The following RAB3GAP2 variants were observed in gnomAD, a reference collection of about 807,000 sequenced individuals.
RAB3GAP2 encodes RAB3 GTPase activating non-catalytic protein subunit 2.
RAB3GAP2 carries 87 observed loss-of-function variants against 185.3 expected under a neutral mutation model. That is an observed-to-expected ratio of 0.47 (90% CI 0.39 to 0.56). RAB3GAP2 has a LOEUF of 0.56. Among genes scored for constraint, RAB3GAP2 ranks in the 20% least tolerant of loss-of-function variants. The probability of loss-of-function intolerance (pLI) is 0.00; values close to 1 mark genes in which losing one functional copy is unlikely to be tolerated. For synonymous variants in RAB3GAP2, 554 were observed against 576.1 expected, an observed-to-expected ratio of 0.96 and a Z score of 0.55; for missense variants, 1,492 against 1,638.2, an observed-to-expected ratio of 0.91 and a Z score of 1.54.
intron 1 of RAB3GAP2, among the ~76,000 whole-genome samples, chr1:220,248,416 C>T (rs2102519672): frequency 6.6e-6 from 1 of 151,950 alleles, no homozygotes; most frequent in African/African-American, 2.4e-5. Context: ...ACAATCATTT[C>T]ATAACGTATA....
chr1:220,234,771 G>A (rs1659562045), intron 1 of RAB3GAP2, among the ~76,000 whole-genome samples: 1 of 151,944 alleles, frequency 6.6e-6, no homozygotes, highest in African/African-American at 2.4e-5. Context: ...AAGAGATGGG[G>A]AAAAAAATAC....
chr1:220,202,437 AC>A lies in RAB3GAP2; in HGVS notation c.713-64del, dbSNP rs1373523059. 8.0e-6 allele frequency: 12 copies of A among 1,505,384 alleles called. No individual in the cohort carries two copies. The East Asian group carries it at 1.4e-4, about 17-fold the overall frequency. 93.3% of individuals were successfully genotyped at this position (1,505,384 alleles called of 1,614,324 possible). A position where few individuals can be genotyped will look rare whatever the true frequency, so the allele number is the denominator to read the frequency against. On this transcript the variant is annotated intron_variant, in intron 8 of 34. Transcript: ENST00000358951. ...GGATAAAATGAAGTTTTACAAAAAA[AC>A]ATTAAAACCATACTAATTTGTTATT... is the stretch of plus-strand genomic sequence containing the variant.
Position 220,157,464 on chromosome 1 carries a change from G to A in RAB3GAP2, c.3361C>T (p.Gln1121Ter). Residue 1121 changes from glutamine (Q) to a stop codon, truncating the protein, a stop_gained, in exon 31 of 35, where the codon CAG (glutamine) becomes TAG (stop). Coordinates refer to ENST00000358951, the MANE Select transcript of RAB3GAP2 (RefSeq NM_012414.4). LOFTEE classifies it high-confidence loss of function. ...MEADVSRDEI[Q>*]VPVLDTEDAW... is the part of the protein sequence containing the mutation. ...TCCTCAGTATCCAGCACAGGCACCT[G>A]TATTTCATCCCTGCTAACATCTGCC... 8 of 1,613,558 alleles carry A rather than the reference G, an allele frequency of 5.0e-6. No homozygotes were observed. The highest frequency in any genetic ancestry group is 6.8e-6 in the Non-Finnish European group (8 of 1,179,986).
At chr1:220,196,095 G>A in intron 10 of RAB3GAP2, 155 bp downstream of exon 10, 1 of 822,362 alleles carries the variant, frequency 1.2e-6, no homozygotes, top group Non-Finnish European at 1.9e-6. Flanking sequence ...AAAGAATTTA[G>A]AAGAAAGCTA....
At position 220,205,991 on chromosome 1, in the gene RAB3GAP2, TACTCA is replaced by T; in HGVS notation, c.623_627del (p.Leu208TyrfsTer11). 6.3e-7 allele frequency: 1 copy of T among 1,599,558 alleles called. No individual in the cohort carries two copies. Among genetic ancestry groups the T allele is most frequent in the Non-Finnish European group, 8.6e-7 (1 of 1,168,088 alleles). On this transcript the variant is annotated frameshift_variant, in exon 8 of 35. Transcript: ENST00000358951. LOFTEE classifies it high-confidence loss of function. ...GTCACAATGGCAGCTGGATATAAGA[TACTCA>T]ACTCTTCATTCTATTTAAGAAATAA...
At chr1:220,188,191 T>C (rs1658540693) in intron 17 of RAB3GAP2, among the ~76,000 whole-genome samples, 1 of 152,120 alleles carries the variant, frequency 6.6e-6, no homozygotes, top group South Asian at 2.1e-4. Flanking sequence ...CAGTTTTTTC[T>C]TACATTTTCA....
intron 1 of RAB3GAP2, among the ~76,000 whole-genome samples, chr1:220,237,512 C>A (rs1659615483): frequency 6.6e-6 from 1 of 152,144 alleles, no homozygotes; most frequent in Admixed American, 6.5e-5. Context: ...GATGGGTAGG[C>A]CTTAAAACCT....
At chr1:220,231,770 C>T (rs1006506761) in intron 2 of RAB3GAP2, among the ~76,000 whole-genome samples, 1 of 152,216 alleles carries the variant, frequency 6.6e-6, no homozygotes, top group African/African-American at 2.4e-5. Context: ...CTGAAAGAGT[C>T]ATGAAAAGCC....
intron 22 of RAB3GAP2, 120 bp downstream of exon 22, chr1:220,172,517 A>G: frequency 1.5e-6 from 1 of 687,732 alleles, no homozygotes; most frequent in Non-Finnish European, 2.6e-6. Context: ...AAGAATCTCT[A>G]CGGTGAAATG....
Position 220,167,482 on chromosome 1 carries a change from T to G in RAB3GAP2, c.2980+20A>C, listed in dbSNP as rs775925634. 2 of 1,613,856 alleles carry G rather than the reference T, an allele frequency of 1.2e-6. No homozygotes were observed. The highest frequency in any genetic ancestry group is 1.7e-5 in the Admixed American group (1 of 60,006). On this transcript the variant is annotated intron_variant, in intron 25 of 34. Transcript: ENST00000358951. ...ATCTTTCCAATTTGGATTTCATATT[T>G]CTCATTATTTGTGTATCACCTGGTA...
chr1:220,267,991 C>T (rs1255848884), intron 1 of RAB3GAP2: 2 of 557,800 alleles, frequency 3.6e-6, no homozygotes, highest in East Asian at 2.8e-5. Context: ...AACTGATACA[C>T]CTCTATAATT....
At chr1:220,160,548 C>T (rs1012858645) in intron 28 of RAB3GAP2, among the ~76,000 whole-genome samples, 1 of 152,228 alleles carries the variant, frequency 6.6e-6, no homozygotes, top group African/African-American at 2.4e-5. Context: ...CTTACACATA[C>T]TACTAGAAAA....
chr1:220,261,928 C>T (rs772515919), intron 1 of RAB3GAP2, among the ~76,000 whole-genome samples: 2 of 151,942 alleles, frequency 1.3e-5, no homozygotes, highest in Non-Finnish European at 2.9e-5. Context: ...TCATAAGCAG[C>T]TTTGTCGCGT....
chr1:220,259,640 C>T (rs1362145789), intron 1 of RAB3GAP2, among the ~76,000 whole-genome samples: 1 of 152,092 alleles, frequency 6.6e-6, no homozygotes, highest in Non-Finnish European at 1.5e-5. Flanking sequence ...TATAAAAACC[C>T]TAGAAGAAAA....
At chr1:220,214,314 T>C (rs1402422515) in intron 2 of RAB3GAP2, among the ~76,000 whole-genome samples, 1 of 151,742 alleles carries the variant, frequency 6.6e-6, no homozygotes, top group Non-Finnish European at 1.5e-5. Flanking sequence ...GGACAGGAGG[T>C]CAGGAGTTTG....
rs752558957 is a variant in RAB3GAP2, at chr1:220,202,385, T to TA, written c.713-12dup. 8 of 1,610,652 alleles carry TA rather than the reference T, an allele frequency of 5.0e-6. No individual in the cohort carries two copies. In the African/African-American group the frequency reaches 9.4e-5, roughly 19 times the overall value. Reference sequence around the variant, plus strand: ...TGCCTGATGCTGCAGCTACCAAAGATAAAATAAGACAATCCAAACTTATTA... The same window carrying TA: ...TGCCTGATGCTGCAGCTACCAAAGATAAAAATAAGACAATCCAAACTTATTA... On this transcript the variant is annotated splice_polypyrimidine_tract_variant and intron_variant, in intron 8 of 34. Transcript: ENST00000358951.
intron 1 of RAB3GAP2, among the ~76,000 whole-genome samples, chr1:220,270,952 C>G (rs1442142611): frequency 6.6e-6 from 1 of 152,204 alleles, no homozygotes; most frequent in Non-Finnish European, 1.5e-5. Context: ...TTCAGCTTTT[C>G]TTAGTTCTCT....
intron 21 of RAB3GAP2, among the ~76,000 whole-genome samples, chr1:220,174,513 A>G (rs1359965608): frequency 6.6e-6 from 1 of 152,196 alleles, no homozygotes; most frequent in Non-Finnish European, 1.5e-5. Flanking sequence ...CCCATCAAGC[A>G]TTTACCCATT....
intron 1 of RAB3GAP2, among the ~76,000 whole-genome samples, chr1:220,247,182 A>T (rs1368713062): frequency 2.0e-5 from 3 of 152,206 alleles, no homozygotes; most frequent in Non-Finnish European, 4.4e-5. Context: ...TACAACCTCT[A>T]TGGAAAACTG....
Sources: allele counts gnomAD v4.1 joint callset (sites outside exome capture counted in the v4.1 genomes callset), GRCh38; gene constraint gnomAD v4.1.1; transcripts MANE v1.5; gene names NCBI Gene and HGNC (gene_info 2026-07-23, HGNC 2026-07-21).